LHFPL3: variants seen among roughly 807,000 people sequenced by gnomAD.
The protein encoded by LHFPL3 is LHFPL tetraspan subfamily member 3 protein.
Under a neutral mutation model 19.3 loss-of-function variants are expected in LHFPL3, and 5 were observed. The ratio of observed to expected loss-of-function variants is 0.26; its 90% CI spans 0.14 to 0.54. The LOEUF is 0.54. LHFPL3 is among the 20% of genes least tolerant of loss of function. LHFPL3 has a pLI of 0.94. For missense variants in LHFPL3, 249 were observed against 307.4 expected (o/e 0.81, Z 1.42); for synonymous variants, 133 against 126.2 (o/e 1.05, Z -0.36).
chr7:104,422,265 G>A (rs1791746338), intron 1 of LHFPL3, among the ~76,000 whole-genome samples: 1 of 152,190 alleles, frequency 6.6e-6, no homozygotes, highest in Admixed American at 6.5e-5. Context: ...CGAGGCTGAG[G>A]CAGGAGAATC....
At chr7:104,682,989 A>T (rs931949514) in intron 1 of LHFPL3, among the ~76,000 whole-genome samples, 1 of 151,998 alleles carries the variant, frequency 6.6e-6, no homozygotes, top group Non-Finnish European at 1.5e-5. Flanking sequence ...TTGTTTTTTA[A>T]TTACTATTTT....
At chr7:104,671,164 A>C (rs1792473288) in intron 1 of LHFPL3, among the ~76,000 whole-genome samples, 1 of 152,094 alleles carries the variant, frequency 6.6e-6, no homozygotes, top group South Asian at 2.1e-4. Flanking sequence ...GTGTGTACCA[A>C]GTGAATTTAA....
chr7:104,422,188 C>A (rs1490251110), intron 1 of LHFPL3, among the ~76,000 whole-genome samples: 1 of 152,176 alleles, frequency 6.6e-6, no homozygotes, highest in Non-Finnish European at 1.5e-5. Context: ...TGGTGAAACA[C>A]CATCTCTACT....
chr7:104,672,144 A>G (rs1177451229), intron 1 of LHFPL3, among the ~76,000 whole-genome samples: 1 of 151,870 alleles, frequency 6.6e-6, no homozygotes, highest in African/African-American at 2.4e-5. Context: ...CAGGGCTGAC[A>G]TTCAGCCAAC....
chr7:104,506,309 G>T (rs1169945783), intron 1 of LHFPL3, among the ~76,000 whole-genome samples: 1 of 142,816 alleles, frequency 7.0e-6, no homozygotes, highest in African/African-American at 2.5e-5. Context: ...CATCCCATTT[G>T]TTATTCCATC....
intron 2 of LHFPL3, among the ~76,000 whole-genome samples, chr7:104,885,312 C>T (rs1792127264): frequency 6.6e-6 from 1 of 152,112 alleles, no homozygotes. Flanking sequence ...TTCTACAGTC[C>T]CTGCAATATT....
chr7:104,903,172 G>A (rs77596159), intron 2 of LHFPL3, among the ~76,000 whole-genome samples: 53 of 152,234 alleles, frequency 3.5e-4, no homozygotes, highest in Non-Finnish European at 6.3e-4. Context: ...CTGGGATGCA[G>A]CCTTAGATAC....
chr7:104,474,797 G>A (rs983260863), intron 1 of LHFPL3, among the ~76,000 whole-genome samples: 1 of 152,040 alleles, frequency 6.6e-6, no homozygotes, highest in Admixed American at 6.6e-5. Flanking sequence ...GCAGAAGAAG[G>A]TGTTATGAAG....
chr7:104,670,379 T>C (rs970569776), intron 1 of LHFPL3, among the ~76,000 whole-genome samples: 5 of 152,310 alleles, frequency 3.3e-5, no homozygotes, highest in African/African-American at 1.2e-4. Flanking sequence ...CCCAATGTTT[T>C]CTGTGTCCTA....
At chr7:104,877,680 G>C (rs1435824050) in intron 2 of LHFPL3, among the ~76,000 whole-genome samples, 1 of 151,604 alleles carries the variant, frequency 6.6e-6, no homozygotes, top group Non-Finnish European at 1.5e-5. Context: ...GGAATGTAAA[G>C]TGGTGCAAAT....
At chr7:104,512,617 T>A (rs1006089993) in intron 1 of LHFPL3, among the ~76,000 whole-genome samples, 1 of 151,974 alleles carries the variant, frequency 6.6e-6, no homozygotes, top group African/African-American at 2.4e-5. Context: ...AAGCTTATAA[T>A]CCCAGCTACT....
intron 2 of LHFPL3, among the ~76,000 whole-genome samples, chr7:104,824,693 TTA>T (rs1197950904): frequency 2.3e-4 from 23 of 98,096 alleles, no homozygotes; most frequent in Admixed American, 3.5e-4. Context: ...ATAATATATA[TTA>T]TATATATTAT....
At chr7:104,666,908 G>A (rs1401721664) in intron 1 of LHFPL3, among the ~76,000 whole-genome samples, 2 of 152,122 alleles carry the variant, frequency 1.3e-5, no homozygotes, top group Non-Finnish European at 2.9e-5. Context: ...TTGATAGACA[G>A]GTTGATTCCA....
Position 104,565,721 on chromosome 7 carries a change from G to GTCTA in LHFPL3, c.446-170905_446-170902dup, listed in dbSNP as rs6150264. On this transcript the variant is annotated intron_variant, in intron 1 of 2. Transcript: ENST00000424859. ...TTTCCCTGCACCTTCCTGTCTGTCT[G>GTCTA]TCTATCTATCTATCTATCTATCTAT... is the stretch of plus-strand genomic sequence containing the variant. Among the ~76,000 whole-genome samples the GTCTA allele has an allele frequency of 9.9e-3, 1,430 of 144,032 alleles. 13 individuals are homozygous for GTCTA. Among genetic ancestry groups the GTCTA allele is most frequent in the Non-Finnish European group, 0.012 (803 of 66,314 alleles). 94.5% of individuals were successfully genotyped at this position (144,032 alleles called of 152,430 possible). A position where few individuals can be genotyped will look rare whatever the true frequency, so the allele number is the denominator to read the frequency against.
chr7:104,761,659 C>T (rs750779070), intron 2 of LHFPL3, among the ~76,000 whole-genome samples: 10 of 152,112 alleles, frequency 6.6e-5, no homozygotes, highest in East Asian at 5.8e-4. Flanking sequence ...AGTTCATAAA[C>T]GCAGGATCCC....
At chr7:104,884,286 TTC>T (rs1330816044) in intron 2 of LHFPL3, among the ~76,000 whole-genome samples, 2 of 152,126 alleles carry the variant, frequency 1.3e-5, no homozygotes, top group Admixed American at 6.5e-5. Flanking sequence ...TTCCACTTCG[TTC>T]TCTGTTTAGT....
At chr7:104,770,188 G>C (rs1458415233) in intron 2 of LHFPL3, among the ~76,000 whole-genome samples, 1 of 152,028 alleles carries the variant, frequency 6.6e-6, no homozygotes, top group Non-Finnish European at 1.5e-5. Flanking sequence ...TACTTCAGGA[G>C]ACTTAAAGGA....
At chr7:104,329,549 TAG>T (rs1021830350) in intron 1 of LHFPL3, among the ~76,000 whole-genome samples, 1 of 152,230 alleles carries the variant, frequency 6.6e-6, no homozygotes, top group Non-Finnish European at 1.5e-5. Flanking sequence ...AGTGGCCGCT[TAG>T]AGAGATGGGG....
intron 2 of LHFPL3, among the ~76,000 whole-genome samples, chr7:104,883,955 G>C (rs1450798570): frequency 6.6e-6 from 1 of 152,146 alleles, no homozygotes; most frequent in Non-Finnish European, 1.5e-5. Context: ...TGATGATGGT[G>C]CAGATTCAGC....
Sources: allele counts gnomAD v4.1 joint callset (sites outside exome capture counted in the v4.1 genomes callset), GRCh38; gene constraint gnomAD v4.1.1; transcripts MANE v1.5; gene names NCBI Gene and HGNC (gene_info 2026-07-23, HGNC 2026-07-21).